The following SPECC1 variants were observed in gnomAD, a reference collection of about 807,000 sequenced individuals.
SPECC1 encodes the protein sperm antigen with calponin homology and coiled-coil domains 1, also known as cytospin-B.
In SPECC1, 62 loss-of-function variants were observed where a neutral mutation model predicts 104.1. That is an observed-to-expected ratio of 0.60 (90% CI 0.49 to 0.74). SPECC1 has a LOEUF of 0.74. Among genes scored for constraint, SPECC1 ranks in the 30% least tolerant of loss-of-function variants. SPECC1 has a pLI of 0.00. For synonymous variants in SPECC1, 513 were observed against 501.6 expected (o/e 1.02, Z -0.30); for missense variants, 1,306 against 1,310.5 (o/e 1.00, Z 0.05).
intron 1 of SPECC1, among the ~76,000 whole-genome samples, chr17:20,015,091 C>T (rs1567793240): frequency 6.6e-6 from 1 of 152,088 alleles, no homozygotes; most frequent in Non-Finnish European, 1.5e-5. Context: ...TTTTGTTCTT[C>T]CTGCTCAGCA....
At chr17:20,061,742 T>C (rs2046191466) in intron 1 of SPECC1, among the ~76,000 whole-genome samples, 1 of 152,190 alleles carries the variant, frequency 6.6e-6, no homozygotes, top group Non-Finnish European at 1.5e-5. Flanking sequence ...TTCAGTCCCA[T>C]TTTTCTTTCA....
Position 20,292,110 on chromosome 17 carries a change from C to T in SPECC1, c.2941-4851C>T, listed in dbSNP as rs1377656701. On this transcript the variant is annotated intron_variant, in intron 12 of 14. Coordinates refer to ENST00000395527, the MANE Select transcript of SPECC1 (RefSeq NM_001243439.2). Reference sequence around the variant, plus strand: ...CAAGAGATGGGTTTGGAGATAGGGTCGCAGCCAGCCTGTGCGTGGCAGAGG... The same window carrying T: ...CAAGAGATGGGTTTGGAGATAGGGTTGCAGCCAGCCTGTGCGTGGCAGAGG... Among the ~76,000 whole-genome samples the T allele has an allele frequency of 4.0e-5, 6 of 151,858 alleles. No homozygotes were observed. The East Asian group carries it at 5.8e-4, about 15-fold the overall frequency.
intron 2 of SPECC1, among the ~76,000 whole-genome samples, chr17:20,101,089 A>G (rs2047924255): frequency 6.6e-6 from 1 of 152,202 alleles, no homozygotes; most frequent in Non-Finnish European, 1.5e-5. Flanking sequence ...GGTTGGTTCC[A>G]AGTTTTTGCT....
intron 7 of SPECC1, among the ~76,000 whole-genome samples, chr17:20,236,655 C>CCT (rs1555635439): frequency 1.6e-5 from 2 of 126,060 alleles, no homozygotes; most frequent in African/African-American, 6.0e-5. Context: ...TGCAGTCTGG[C>CCT]TTTTTTTTTT....
intron 7 of SPECC1, among the ~76,000 whole-genome samples, chr17:20,233,989 G>A (rs369318093): frequency 2.6e-5 from 4 of 152,110 alleles, no homozygotes; most frequent in East Asian, 3.9e-4. Flanking sequence ...TGTTTCTTAC[G>A]TATACTCTGA....
Position 20,096,656 on chromosome 17 carries a change from G to T in SPECC1, c.5G>T (p.Arg2Leu), listed in dbSNP as rs769026981. ...GACAGACCCACGAAGTCAAGCATGCGGAGTGCAGCCAAGCCCTGGAACCCA... is the reference window on the plus strand; with the variant it reads ...GACAGACCCACGAAGTCAAGCATGCTGAGTGCAGCCAAGCCCTGGAACCCA... Reference protein sequence around the residue: MRSAAKPWNPAI... With the variant: MLSAAKPWNPAI... Residue 2 changes from arginine to leucine, a missense_variant, in exon 2 of 15, where the codon CGG (arginine) becomes CTG (leucine). Arg to Leu is a moderately radical substitution (Grantham distance 102). Around this residue, in one of 2 missense-constraint regions of SPECC1, gnomAD observed 1,177 missense variants for 1,139.9 expected, o/e 1.03. Coordinates refer to ENST00000395527, the MANE Select transcript of SPECC1 (RefSeq NM_001243439.2). The T allele has an allele frequency of 6.2e-7, 1 of 1,612,048 alleles. No homozygotes were observed. The highest frequency in any genetic ancestry group is 1.1e-5 in the South Asian group (1 of 90,986).
chr17:20,167,571 G>A (rs911121059), intron 3 of SPECC1, among the ~76,000 whole-genome samples: 1 of 152,088 alleles, frequency 6.6e-6, no homozygotes, highest in Non-Finnish European at 1.5e-5. Context: ...CCAATTACTC[G>A]GGAGGCTGAG....
intron 1 of SPECC1, among the ~76,000 whole-genome samples, chr17:20,075,617 C>T (rs1325083132): frequency 1.3e-5 from 2 of 152,146 alleles, no homozygotes; most frequent in East Asian, 3.9e-4. Flanking sequence ...GCCTGGGAAA[C>T]ATAGCAAGGC....
At chr17:20,111,807 AG>A (rs36071279) in intron 3 of SPECC1, 474,189 of 791,494 alleles carry the variant, frequency 0.6, 144,784 homozygotes, top group African/African-American at 0.66. Flanking sequence ...CTCAGGACCC[AG>A]GGGGGGGGCA....
intron 4 of SPECC1, among the ~76,000 whole-genome samples, chr17:20,207,260 C>T (rs746498797): frequency 3.9e-5 from 6 of 152,188 alleles, no homozygotes; most frequent in Admixed American, 6.5e-5. Flanking sequence ...CAGCCTGATT[C>T]TGCAATTTGG....
chr17:20,089,095 C>CA (rs548663077), intron 1 of SPECC1, among the ~76,000 whole-genome samples: 1 of 152,208 alleles, frequency 6.6e-6, no homozygotes, highest in African/African-American at 2.4e-5. Context: ...CAAATGGACT[C>CA]AGACGGTGTG....
chr17:20,096,641 C>T lies in SPECC1; in HGVS notation c.-11C>T, dbSNP rs771044010. 23 of 1,606,702 alleles carry T rather than the reference C, an allele frequency of 1.4e-5. No individual in the cohort carries two copies. The highest frequency in any genetic ancestry group is 2.2e-5 in the East Asian group (1 of 44,688). ...TCTGCTCTTTTGCAGGACAGACCCACGAAGTCAAGCATGCGGAGTGCAGCC... is the reference window on the plus strand; with the variant it reads ...TCTGCTCTTTTGCAGGACAGACCCATGAAGTCAAGCATGCGGAGTGCAGCC... On this transcript the variant is annotated 5_prime_UTR_variant, in exon 2 of 15. In the 5' UTR this introduces an upstream ATG that the reference lacks. Transcript: ENST00000395527.
At chr17:20,059,475 T>C (rs2046098308) in intron 1 of SPECC1, among the ~76,000 whole-genome samples, 1 of 152,138 alleles carries the variant, frequency 6.6e-6, no homozygotes, top group Non-Finnish European at 1.5e-5. Context: ...CCTAACAGGC[T>C]ATGAACTGGG....
At chr17:20,120,067 AC>A (rs1472671902) in intron 3 of SPECC1, among the ~76,000 whole-genome samples, 1 of 152,172 alleles carries the variant, frequency 6.6e-6, no homozygotes, top group Non-Finnish European at 1.5e-5. Flanking sequence ...AGGGATACTC[AC>A]CCTGTAGTAA....
intron 4 of SPECC1, among the ~76,000 whole-genome samples, chr17:20,206,949 A>G (rs1452541498): frequency 6.6e-6 from 1 of 152,188 alleles, no homozygotes; most frequent in African/African-American, 2.4e-5. Context: ...GCCCAAGAGC[A>G]AATAACTTTT....
In SPECC1 at chr17:20,318,047, C is replaced by T. The variant is rs111386219; in HGVS notation, c.*3982C>T. 1.4e-4 allele frequency: 32 copies of T among 230,692 alleles called. No individual in the cohort carries two copies. Among genetic ancestry groups the T allele is most frequent in the African/African-American group, 6.0e-4 (27 of 45,300 alleles). The allele number at this position is 230,692 out of a possible 1,614,324, so 14.3% of individuals were successfully genotyped here. On this transcript the variant is annotated 3_prime_UTR_variant, in exon 15 of 15. Coordinates refer to ENST00000395527, the MANE Select transcript of SPECC1 (RefSeq NM_001243439.2). ...TATACTCAGCAGAGTGTGCCATTCC[C>T]AGTTTCTGTCCTGAGGATTTCAAAG... is the stretch of plus-strand genomic sequence containing the variant.
intron 3 of SPECC1, 109 bp downstream of exon 3, chr17:20,110,671 A>ATATT: frequency 7.7e-7 from 1 of 1,299,042 alleles, no homozygotes; most frequent in African/African-American, 1.5e-5. Flanking sequence ...ATATTTCTTG[A>ATATT]CCACTTACCC....
chr17:20,126,491 A>T (rs1249659167), intron 3 of SPECC1: 5 of 144,748 alleles, frequency 3.5e-5, no homozygotes, highest in African/African-American at 2.6e-5. Flanking sequence ...GTCACTGACT[A>T]TATTTTCTAA....
rs955948191 is a variant in SPECC1 at position 20,136,461 on chromosome 17, T to C, written c.283+25899T>C. On this transcript the variant is annotated intron_variant, in intron 3 of 14. Transcript: ENST00000395527. Reference sequence around the variant, plus strand: ...AAAAAAAATCTGTCTTTTCAAACTCTAGTCTTTTATCAGGTAAACATTTTC... The same window carrying C: ...AAAAAAAATCTGTCTTTTCAAACTCCAGTCTTTTATCAGGTAAACATTTTC... 1.0e-3 allele frequency among the ~76,000 whole-genome samples: 155 copies of C among 151,882 alleles called. 3 individuals carry two copies. Among genetic ancestry groups the C allele is most frequent in the Admixed American group, 0.01 (154 of 15,232 alleles).
Sources: gnomAD v4.1 joint callset for allele counts (sites outside exome capture counted in the v4.1 genomes callset) on GRCh38, gnomAD v4.1.1 for gene constraint, gnomAD v4.1.1 regional missense constraint, MANE v1.5 for transcripts, NCBI Gene and HGNC (gene_info 2026-07-23, HGNC 2026-07-21) for gene names.